The following CNTNAP2 variants were observed in gnomAD, a reference collection of about 807,000 sequenced individuals.
CNTNAP2 encodes contactin-associated protein-like 2.
In CNTNAP2, 98 loss-of-function variants were observed where a neutral mutation model predicts 155.2. That is an observed-to-expected ratio of 0.63 (90% CI 0.54 to 0.75). The LOEUF (loss-of-function observed/expected upper bound fraction) is 0.75. CNTNAP2 is among the 30% of genes least tolerant of loss of function. The pLI is 0.00. For missense variants in CNTNAP2, 1,727 were observed against 1,688.1 expected (o/e 1.02, Z -0.40); for synonymous variants, 651 against 631.2 (o/e 1.03, Z -0.47).
intron 1 of CNTNAP2, among the ~76,000 whole-genome samples, chr7:146,771,771 G>T (rs1342200402): frequency 2.0e-5 from 3 of 152,116 alleles, no homozygotes; most frequent in Non-Finnish European, 4.4e-5. Flanking sequence ...TATCATTGGG[G>T]ACTTAAGTGA....
intron 1 of CNTNAP2, among the ~76,000 whole-genome samples, chr7:146,421,406 T>C (rs1195172912): frequency 6.6e-6 from 1 of 152,038 alleles, no homozygotes; most frequent in Non-Finnish European, 1.5e-5. Context: ...TTACTAGTTA[T>C]AATGATTAGT....
At position 147,385,898 on chromosome 7, in the gene CNTNAP2, G is replaced by T. The variant is rs111882761; in HGVS notation, c.1499-9711G>T. 1.8e-3 allele frequency among the ~76,000 whole-genome samples: 280 copies of T among 152,328 alleles called. 1 individual carries two copies. Among genetic ancestry groups the T allele is most frequent in the African/African-American group, 6.4e-3 (268 of 41,566 alleles). On this transcript the variant is annotated intron_variant, in intron 9 of 23. Coordinates refer to ENST00000361727, the MANE Select transcript of CNTNAP2 (RefSeq NM_014141.6). Reference sequence around the variant, plus strand: ...GCCCTAGCAGAGGCTCTTCATGAGGGTCCCATCTCTGCAGCAAACATCTGC... The same window carrying T: ...GCCCTAGCAGAGGCTCTTCATGAGGTTCCCATCTCTGCAGCAAACATCTGC...
At chr7:147,132,189 C>A (rs1801387987) in intron 7 of CNTNAP2, 56 bp from the exon 8 acceptor site, 2 of 1,603,722 alleles carry the variant, frequency 1.2e-6, no homozygotes, top group African/African-American at 2.7e-5. Context: ...AGTGGTCTGA[C>A]ATGGATGTTC....
Position 147,547,368 on chromosome 7 carries a change from C to T in CNTNAP2, c.1778-14770C>T, listed in dbSNP as rs573875332. On this transcript the variant is annotated intron_variant, in intron 11 of 23. Transcript: ENST00000361727. ...AGGTCCTTAGTTACCTTGCTCTTCA[C>T]CAGCCACTAATGCTGCGGTTGCTTA... 5.9e-5 allele frequency among the ~76,000 whole-genome samples: 9 copies of T among 152,214 alleles called. No individual in the cohort carries two copies. The South Asian group carries it at 1.5e-3, about 25-fold the overall frequency.
intron 3 of CNTNAP2, chr7:146,963,059 G>GT (rs1241959406): frequency 3.9e-5 from 6 of 152,208 alleles, no homozygotes; most frequent in Non-Finnish European, 8.8e-5. Flanking sequence ...AAGGTGATCC[G>GT]TGTGGGACAG....
chr7:147,869,151 C>T lies in CNTNAP2; in HGVS notation c.2099-34414C>T, dbSNP rs375819044. 3.2e-4 allele frequency among the ~76,000 whole-genome samples: 49 copies of T among 152,292 alleles called. 1 individual carries two copies. The highest frequency in any genetic ancestry group is 1.0e-3 in the African/African-American group (42 of 41,562). On this transcript the variant is annotated intron_variant, in intron 13 of 23. Transcript: ENST00000361727. Reference sequence around the variant, plus strand: ...TCAATGCAGCCACTTTAGCAGTTCTCTTAAAGCTGAAAATATATAGAAAAA... The same window carrying T: ...TCAATGCAGCCACTTTAGCAGTTCTTTTAAAGCTGAAAATATATAGAAAAA...
chr7:147,075,809 G>A (rs1384434315), intron 4 of CNTNAP2, among the ~76,000 whole-genome samples: 1 of 151,910 alleles, frequency 6.6e-6, no homozygotes, highest in East Asian at 1.9e-4. Context: ...AGGCCCCAGT[G>A]TGTGATGTTC....
chr7:146,546,416 G>T (rs889959059), intron 1 of CNTNAP2, among the ~76,000 whole-genome samples: 1 of 151,828 alleles, frequency 6.6e-6, no homozygotes, highest in African/African-American at 2.4e-5. Context: ...AAATTTGAAG[G>T]TACAAAACAC....
intron 15 of CNTNAP2, among the ~76,000 whole-genome samples, chr7:147,984,830 A>G (rs1363267383): frequency 6.6e-6 from 1 of 152,114 alleles, no homozygotes; most frequent in Non-Finnish European, 1.5e-5. Context: ...AGGACTATTT[A>G]CTGGCTGGGC....
intron 1 of CNTNAP2, among the ~76,000 whole-genome samples, chr7:146,175,477 T>G (rs1446663586): frequency 6.6e-6 from 1 of 152,156 alleles, no homozygotes; most frequent in South Asian, 2.1e-4. Flanking sequence ...AAATTGACCG[T>G]TAATGATCCA....
chr7:147,834,473 A>G lies in CNTNAP2; in HGVS notation c.2099-69092A>G, dbSNP rs190612555. 3.6e-3 allele frequency among the ~76,000 whole-genome samples: 552 copies of G among 152,306 alleles called. 4 individuals are homozygous for G. Among genetic ancestry groups the G allele is most frequent in the Non-Finnish European group, 4.9e-3 (332 of 68,020 alleles). ...GTAAAAATACCCTCGTAATTCTACTAGAATTCAACTTTTTAATAGCTGTCT... is the reference window on the plus strand; with the variant it reads ...GTAAAAATACCCTCGTAATTCTACTGGAATTCAACTTTTTAATAGCTGTCT... On this transcript the variant is annotated intron_variant, in intron 13 of 23. Transcript: ENST00000361727.
intron 1 of CNTNAP2, among the ~76,000 whole-genome samples, chr7:146,200,362 T>C (rs1276938327): frequency 6.6e-6 from 1 of 151,868 alleles, no homozygotes; most frequent in Non-Finnish European, 1.5e-5. Context: ...GGCATGGTGG[T>C]ACGTGCCTGT....
intron 1 of CNTNAP2, among the ~76,000 whole-genome samples, chr7:146,230,650 G>C (rs889124970): frequency 2.6e-5 from 4 of 152,102 alleles, no homozygotes; most frequent in Non-Finnish European, 5.9e-5. Context: ...TCCACTATTT[G>C]TTATCTATAG....
chr7:147,242,951 T>C (rs1032123258), intron 8 of CNTNAP2, among the ~76,000 whole-genome samples: 25 of 151,114 alleles, frequency 1.7e-4, no homozygotes, highest in African/African-American at 6.1e-4. Flanking sequence ...GTGGTCATTA[T>C]AAGTATTGAA....
At chr7:147,238,264 C>T (rs1034646766) in intron 8 of CNTNAP2, among the ~76,000 whole-genome samples, 10 of 152,160 alleles carry the variant, frequency 6.6e-5, no homozygotes, top group Non-Finnish European at 1.5e-4. Flanking sequence ...ATCCGCCCAC[C>T]TCGGCCTCCC....
intron 10 of CNTNAP2, among the ~76,000 whole-genome samples, chr7:147,408,014 A>C (rs930793577): frequency 2.6e-5 from 4 of 152,242 alleles, no homozygotes; most frequent in African/African-American, 9.6e-5. Flanking sequence ...AGTTGAAAAG[A>C]TCTATTTTTC....
chr7:148,123,266 C>T (rs1357967676), intron 16 of CNTNAP2, among the ~76,000 whole-genome samples: 1 of 152,052 alleles, frequency 6.6e-6, no homozygotes, highest in Admixed American at 6.6e-5. Flanking sequence ...GCAAGATGTA[C>T]AAGAAAGACA....
At chr7:146,452,746 A>T (rs1796501802) in intron 1 of CNTNAP2, among the ~76,000 whole-genome samples, 1 of 152,148 alleles carries the variant, frequency 6.6e-6, no homozygotes, top group African/African-American at 2.4e-5. Flanking sequence ...ATATTTGGAA[A>T]CTCATCTACC....
At chr7:147,723,700 G>A (rs1056185253) in intron 13 of CNTNAP2, among the ~76,000 whole-genome samples, 5 of 151,684 alleles carry the variant, frequency 3.3e-5, no homozygotes, top group African/African-American at 1.2e-4. Context: ...CAAGCATTTT[G>A]GTCCAACTCA....
Sources: gnomAD v4.1 joint callset for allele counts (sites outside exome capture counted in the v4.1 genomes callset) on GRCh38, gnomAD v4.1.1 for gene constraint, MANE v1.5 for transcripts, NCBI Gene and HGNC (gene_info 2026-07-23, HGNC 2026-07-21) for gene names.